SETDB1: variants seen among roughly 807,000 people sequenced by gnomAD.
SETDB1 encodes SET domain bifurcated histone lysine methyltransferase 1.
Under a neutral mutation model 137.4 loss-of-function variants are expected in SETDB1, and 31 were observed. That is an observed-to-expected ratio of 0.23 (90% CI 0.17 to 0.30). SETDB1 has a LOEUF of 0.30. Among genes scored for constraint, SETDB1 ranks in the 10% least tolerant of loss-of-function variants. SETDB1 has a pLI of 1.00. For synonymous variants in SETDB1, 548 were observed against 579.9 expected (o/e 0.95, Z 0.79); for missense variants, 1,113 against 1,631.5 (o/e 0.68, Z 5.47).
intron 14 of SETDB1, among the ~76,000 whole-genome samples, chr1:150,953,634 G>T (rs1220061955): frequency 6.6e-6 from 1 of 151,928 alleles, no homozygotes; most frequent in Admixed American, 6.6e-5. Flanking sequence ...TTCAAGAACA[G>T]CCTGGCCAAC....
chr1:150,949,317 A>G (rs773453410), intron 11 of SETDB1, 39 bp downstream of exon 11: 3 of 1,612,344 alleles, frequency 1.9e-6, no homozygotes, highest in Non-Finnish European at 2.5e-6. Context: ...TTTCTTTCAT[A>G]TTATATTTTC....
chr1:150,928,402 A>G (rs985534237), intron 2 of SETDB1, among the ~76,000 whole-genome samples: 4 of 152,196 alleles, frequency 2.6e-5, no homozygotes, highest in African/African-American at 7.2e-5. Context: ...CAGCTAATAC[A>G]TGATCAGCAG....
At chr1:150,940,547 G>A (rs587693874) in intron 4 of SETDB1, among the ~76,000 whole-genome samples, 19 of 150,110 alleles carry the variant, frequency 1.3e-4, no homozygotes, top group African/African-American at 4.7e-4. Context: ...TAGCCTGGGG[G>A]ACAGAGCAAG....
At chr1:150,934,739 G>A (rs922768428) in intron 3 of SETDB1, among the ~76,000 whole-genome samples, 22 of 152,126 alleles carry the variant, frequency 1.4e-4, no homozygotes, top group African/African-American at 5.3e-4. Context: ...TGTTTTTCCA[G>A]CCAGACGGTT....
chr1:150,963,649 G>A lies in SETDB1; in HGVS notation c.3580G>A (p.Val1194Ile). ...ASVDKGESAPVRKNTRQFYDG... is the reference protein window; with the variant it reads ...ASVDKGESAPIRKNTRQFYDG... The stretch of plus-strand genomic sequence containing the variant: ...TGTGGACAAGGGGGAGAGCGCACCT[G>A]TTCGTAAGAACACACGCCAATTCTA... The change falls in exon 20 of 22, where the codon GTT becomes ATT. Residue 1194 changes from valine (V) to isoleucine (I), a missense_variant. Coordinates refer to ENST00000692827, the MANE Select transcript of SETDB1 (RefSeq NM_001366418.1). 6.2e-7 allele frequency: 1 copy of A among 1,614,172 alleles called. No homozygotes were observed.
intron 15 of SETDB1, among the ~76,000 whole-genome samples, 169 bp from the exon 16 acceptor site, chr1:150,960,394 T>C (rs1393381770): frequency 1.3e-5 from 2 of 149,838 alleles, no homozygotes; most frequent in African/African-American, 4.9e-5. Flanking sequence ...GGAGAATCAC[T>C]TGAACCTGGG....
chr1:150,942,237 G>A (rs1050314930), intron 5 of SETDB1, among the ~76,000 whole-genome samples: 7 of 151,606 alleles, frequency 4.6e-5, no homozygotes, highest in Admixed American at 3.3e-4. Context: ...TCAAAAGATA[G>A]AGACCATCCT....
intron 14 of SETDB1, 47 bp downstream of exon 14, chr1:150,951,528 A>G: frequency 1.0e-6 from 1 of 997,994 alleles, no homozygotes; most frequent in Non-Finnish European, 1.6e-6. Flanking sequence ...ACTGAGGAGC[A>G]TGTTCTTGTT....
chr1:150,943,133 C>A, intron 7 of SETDB1, 80 bp downstream of exon 7: 1 of 984,616 alleles, frequency 1.0e-6, no homozygotes, highest in Non-Finnish European at 1.6e-6. Flanking sequence ...CCAGATACCA[C>A]AATTAGCTTT....
chr1:150,946,940 T>A lies in SETDB1; in HGVS notation c.1195T>A (p.Phe399Ile). The A allele has an allele frequency of 6.2e-7, 1 of 1,614,192 alleles. No individual in the cohort carries two copies. Among genetic ancestry groups the A allele is most frequent in the Non-Finnish European group, 8.5e-7 (1 of 1,180,010 alleles). ...YRGSTRLEPM[F>I]SMKTSSASAL... The stretch of plus-strand genomic sequence containing the variant: ...AGGCTCTACACGGCTGGAGCCCATG[T>A]TCAGCATGAAAACATCCTCAGCCTC... The change falls in exon 10 of 22, where the codon TTC becomes ATC. Residue 399 changes from phenylalanine to isoleucine, a missense_variant. Transcript: ENST00000692827.
rs1670473599 is a variant in SETDB1 at position 150,950,864 on chromosome 1, T to C, written c.1990T>C (p.Tyr664His). ...LFLEMFCLDP[Y>H]VLVDRKFQPY... ...CCTGGAGATGTTCTGTTTGGATCCA[T>C]ATGTTCTTGTGGACCGAAAGTTTCA... Residue 664 changes from tyrosine (Y) to histidine (H), a missense_variant, in exon 13 of 22, where the codon TAT (tyrosine) becomes CAT (histidine). By Grantham distance (83) the Tyr-to-His change is moderately conservative. Transcript: ENST00000692827. 6.2e-7 allele frequency: 1 copy of C among 1,614,172 alleles called. No homozygotes were observed. The highest frequency in any genetic ancestry group is 8.5e-7 in the Non-Finnish European group (1 of 1,180,022).
chr1:150,957,698 T>C (rs1197561681), intron 14 of SETDB1, among the ~76,000 whole-genome samples: 4 of 152,320 alleles, frequency 2.6e-5, no homozygotes, highest in South Asian at 4.1e-4. Flanking sequence ...TTAAAAATAA[T>C]TAAAATTTTT....
At position 150,949,518 on chromosome 1, in the gene SETDB1, A is replaced by G. The variant is rs1372869618; in HGVS notation, c.1576A>G (p.Thr526Ala). 6.2e-7 allele frequency: 1 copy of G among 1,613,960 alleles called. No homozygotes were observed. Among genetic ancestry groups the G allele is most frequent in the Non-Finnish European group, 8.5e-7 (1 of 1,179,956 alleles). ...VSGGKPGINQ[T>A]YRSPLGSTAS... is the part of the protein sequence containing the mutation. ...TGGTGGGAAACCTGGGATCAACCAGACATATAGGTGAGAAAATCTGAGGCT... is the reference window on the plus strand; with the variant it reads ...TGGTGGGAAACCTGGGATCAACCAGGCATATAGGTGAGAAAATCTGAGGCT... The change falls in exon 12 of 22, where the codon ACA becomes GCA. Residue 526 changes from threonine (T) to alanine (A), a missense_variant. Transcript: ENST00000692827.
intron 3 of SETDB1, among the ~76,000 whole-genome samples, chr1:150,932,578 A>G (rs1571624961): frequency 6.6e-6 from 1 of 152,258 alleles, no homozygotes; most frequent in East Asian, 1.9e-4. Context: ...AAACACTGGT[A>G]TATTACTTTT....
chr1:150,958,495 C>T (rs1382718974), intron 14 of SETDB1, among the ~76,000 whole-genome samples: 3 of 151,780 alleles, frequency 2.0e-5, no homozygotes, highest in African/African-American at 7.3e-5. Flanking sequence ...CGTGATCCAC[C>T]CACCTTGGCC....
At chr1:150,952,917 A>G (rs1254224083) in intron 14 of SETDB1, among the ~76,000 whole-genome samples, 1 of 152,126 alleles carries the variant, frequency 6.6e-6, no homozygotes, top group Non-Finnish European at 1.5e-5. Context: ...AAAGTTTGAA[A>G]TGCCTGTCAG....
chr1:150,959,798 G>A (rs1427494501), intron 15 of SETDB1, among the ~76,000 whole-genome samples: 1 of 152,198 alleles, frequency 6.6e-6, no homozygotes, highest in Non-Finnish European at 1.5e-5. Context: ...CTGGGCCGGC[G>A]TGGTGGCTCA....
At chr1:150,949,076 G>C in intron 10 of SETDB1, 46 bp from the exon 11 acceptor site, 1 of 1,563,366 alleles carries the variant, frequency 6.4e-7, no homozygotes, top group Non-Finnish European at 8.8e-7. Flanking sequence ...GAATACAAGC[G>C]TCATAGCTAT....
intron 3 of SETDB1, among the ~76,000 whole-genome samples, chr1:150,936,036 G>A (rs1409147420): frequency 6.6e-6 from 1 of 152,180 alleles, no homozygotes; most frequent in African/African-American, 2.4e-5. Flanking sequence ...GCCCAGGCTG[G>A]AGTGCAATGG....
Sources: allele counts gnomAD v4.1 joint callset (sites outside exome capture counted in the v4.1 genomes callset), GRCh38; gene constraint gnomAD v4.1.1; transcripts MANE v1.5; gene names NCBI Gene and HGNC (gene_info 2026-07-23, HGNC 2026-07-21).